GALNTL6: variants seen among roughly 807,000 people sequenced by gnomAD.
GALNTL6 encodes polypeptide N-acetylgalactosaminyltransferase-like 6.
GALNTL6 carries 46 observed loss-of-function variants against 73.7 expected under a neutral mutation model. That is an observed-to-expected ratio of 0.62 (90% confidence interval 0.49 to 0.80). GALNTL6 has a LOEUF of 0.80. Among genes scored for constraint, GALNTL6 ranks in the 30% least tolerant of loss-of-function variants. The pLI is 0.00. For synonymous variants in GALNTL6, 259 were observed against 263.7 expected (o/e 0.98, Z 0.17); for missense variants, 604 against 755.0 (o/e 0.80, Z 2.34).
intron 5 of GALNTL6, among the ~76,000 whole-genome samples, chr4:172,733,893 A>C (rs2111397150): frequency 6.6e-6 from 1 of 152,332 alleles, no homozygotes; most frequent in Admixed American, 6.5e-5. Flanking sequence ...AAAATGTGGA[A>C]GCGACTTAGA....
At chr4:171,882,585 G>A (rs1325653289) in intron 2 of GALNTL6, among the ~76,000 whole-genome samples, 3 of 152,218 alleles carry the variant, frequency 2.0e-5, no homozygotes, top group African/African-American at 4.8e-5. Context: ...GAGAACCCCC[G>A]GGCAAACTAC....
intron 5 of GALNTL6, among the ~76,000 whole-genome samples, chr4:172,605,651 C>G (rs1337731163): frequency 6.6e-6 from 1 of 151,982 alleles, no homozygotes; most frequent in Non-Finnish European, 1.5e-5. Flanking sequence ...AACAGGGAGA[C>G]AGGGTTCAGG....
chr4:172,522,665 T>TCC (rs70944411), intron 5 of GALNTL6, among the ~76,000 whole-genome samples: 41 of 59,382 alleles, frequency 6.9e-4, no homozygotes, highest in African/African-American at 2.8e-3. Flanking sequence ...TGAAACTCAG[T>TCC]CCCCCCCCCC....
chr4:172,704,372 A>G (rs138666310), intron 5 of GALNTL6, among the ~76,000 whole-genome samples: 13 of 151,840 alleles, frequency 8.6e-5, no homozygotes, highest in African/African-American at 3.1e-4. Context: ...TCTGTATCCC[A>G]TAGATTTTGG....
rs34080019 is a variant in GALNTL6 at position 172,615,189 on chromosome 4, T to TAA, written c.554-194158_554-194157dup. On this transcript the variant is annotated intron_variant, in intron 5 of 12. Transcript: ENST00000506823. ...CATGCTGTTAATAAGGCAGGTAGTT[T>TAA]AAAAAAAAAAAAAAAGACTAGTCTA... 7.7e-3 allele frequency among the ~76,000 whole-genome samples: 1,138 copies of TAA among 147,038 alleles called. 11 individuals carry two copies. The highest frequency in any genetic ancestry group is 0.024 in the African/African-American group (957 of 39,820).
chr4:172,745,585 A>ATACTT (rs1281378286), intron 5 of GALNTL6, among the ~76,000 whole-genome samples: 2 of 152,076 alleles, frequency 1.3e-5, no homozygotes, highest in Non-Finnish European at 2.9e-5. Flanking sequence ...TAAGGTCAAT[A>ATACTT]TACTTGCCTG....
chr4:172,387,286 C>G (rs1158462958), intron 5 of GALNTL6, among the ~76,000 whole-genome samples: 1 of 152,082 alleles, frequency 6.6e-6, no homozygotes, highest in Non-Finnish European at 1.5e-5. Context: ...TATCTATTGT[C>G]TTTTCATTTC....
At chr4:172,084,526 G>A (rs1731970415) in intron 2 of GALNTL6, among the ~76,000 whole-genome samples, 1 of 152,176 alleles carries the variant, frequency 6.6e-6, no homozygotes, top group Non-Finnish European at 1.5e-5. Flanking sequence ...TTTGTACAGT[G>A]CAATGGTGTG....
At chr4:172,848,322 C>T (rs897577126) in intron 7 of GALNTL6, among the ~76,000 whole-genome samples, 2 of 152,024 alleles carry the variant, frequency 1.3e-5, no homozygotes, top group Admixed American at 6.6e-5. Flanking sequence ...TATAACAGCC[C>T]GTGTTTCCTT....
chr4:171,920,658 A>C (rs1325685478), intron 2 of GALNTL6, among the ~76,000 whole-genome samples: 1 of 152,174 alleles, frequency 6.6e-6, no homozygotes, highest in Non-Finnish European at 1.5e-5. Flanking sequence ...ACAACAATAA[A>C]AATACAAACA....
At chr4:171,984,080 G>A (rs1739994937) in intron 2 of GALNTL6, among the ~76,000 whole-genome samples, 1 of 152,150 alleles carries the variant, frequency 6.6e-6, no homozygotes, top group East Asian at 1.9e-4. Context: ...CTCCCATCCA[G>A]ATGCAGAGTA....
At chr4:172,242,956 T>C (rs921810631) in intron 3 of GALNTL6, among the ~76,000 whole-genome samples, 2 of 152,220 alleles carry the variant, frequency 1.3e-5, no homozygotes, top group African/African-American at 4.8e-5. Flanking sequence ...CATCTGAACA[T>C]ATATAATCAG....
chr4:172,939,463 A>G (rs530012055), intron 9 of GALNTL6, among the ~76,000 whole-genome samples: 108 of 152,366 alleles, frequency 7.1e-4, no homozygotes, highest in African/African-American at 2.3e-3. Flanking sequence ...TCAATAAATC[A>G]TTAAATACTA....
chr4:172,617,720 A>T (rs1435396433), intron 5 of GALNTL6, among the ~76,000 whole-genome samples: 1 of 151,986 alleles, frequency 6.6e-6, no homozygotes, highest in East Asian at 1.9e-4. Flanking sequence ...TGACCTCATG[A>T]TCTACCCGCC....
chr4:172,382,622 TG>T (rs1743324045), intron 5 of GALNTL6, among the ~76,000 whole-genome samples: 2 of 152,202 alleles, frequency 1.3e-5, no homozygotes, highest in African/African-American at 4.8e-5. Flanking sequence ...ATTTCCTAGA[TG>T]TTTTTGTCTC....
rs77841151 is a variant in GALNTL6, at chr4:172,079,623, T to C, written c.139-150033T>C. Among the ~76,000 whole-genome samples the C allele has an allele frequency of 8.1e-3, 1,239 of 152,232 alleles. 41 individuals are homozygous for C. Among genetic ancestry groups the C allele is most frequent in the East Asian group, 0.073 (378 of 5,176 alleles). On this transcript the variant is annotated intron_variant, in intron 2 of 12. Coordinates refer to ENST00000506823, the MANE Select transcript of GALNTL6 (RefSeq NM_001034845.3). ...AATTTTGCCACTGTAATAAGTTAAA[T>C]CTTGGTAGCTCTTTATTGTTTTCAT...
At chr4:172,062,040 C>G (rs568660678) in intron 2 of GALNTL6, among the ~76,000 whole-genome samples, 8 of 151,722 alleles carry the variant, frequency 5.3e-5, no homozygotes, top group South Asian at 4.2e-4. Context: ...CTTCTGCCCC[C>G]CCAGGTTCAA....
chr4:172,495,902 T>C (rs563000728), intron 5 of GALNTL6, among the ~76,000 whole-genome samples: 108 of 152,330 alleles, frequency 7.1e-4, no homozygotes, highest in African/African-American at 2.5e-3. Flanking sequence ...TGGTGAAATA[T>C]CCTCTCCCTT....
chr4:172,729,970 A>G (rs1736051801), intron 5 of GALNTL6, among the ~76,000 whole-genome samples: 1 of 151,930 alleles, frequency 6.6e-6, no homozygotes, highest in African/African-American at 2.4e-5. Flanking sequence ...TTGGTTCCTA[A>G]GCATTTTATA....
Sources: gnomAD v4.1 joint callset for allele counts (sites outside exome capture counted in the v4.1 genomes callset) on GRCh38, gnomAD v4.1.1 for gene constraint, MANE v1.5 for transcripts, NCBI Gene and HGNC (gene_info 2026-07-23, HGNC 2026-07-21) for gene names.